GGH: variants seen among roughly 807,000 people sequenced by gnomAD.
GGH encodes the protein gamma-glutamyl hydrolase, also known as gamma-Glu-X carboxypeptidase.
GGH carries 18 observed loss-of-function variants against 39.2 expected under a neutral mutation model. The ratio of observed to expected loss-of-function variants is 0.46; its 90% CI spans 0.32 to 0.68. The LOEUF (loss-of-function observed/expected upper bound fraction) is 0.68. Among genes scored for constraint, GGH ranks in the 30% least tolerant of loss-of-function variants. The probability of loss-of-function intolerance (pLI) is 0.04; values close to 1 mark genes in which losing one functional copy is unlikely to be tolerated. For missense variants in GGH, 367 were observed against 384.1 expected (o/e 0.96, Z 0.37); for synonymous variants, 147 against 138.8 (o/e 1.06, Z -0.42).
Position 63,038,692 on chromosome 8 carries a change from G to T in GGH, c.77C>A (p.Pro26His), listed in dbSNP as rs772951871. The change falls in exon 1 of 9, where the codon CCC (proline) becomes CAC (histidine). Residue 26 changes from proline to histidine, a missense_variant. Pro to His is a moderately conservative substitution (Grantham distance 77). Coordinates refer to ENST00000260118, the MANE Select transcript of GGH (RefSeq NM_003878.3). ...GGGCTTCTTGGCGGTGTCGCCGTGG[G>T]GTCTAGACAGCTCGAGGCTCGCCGC... is the stretch of plus-strand genomic sequence containing the variant. ...CGAASLELSR[P>H]HGDTAKKPII... The T allele has an allele frequency of 3.9e-5, 61 of 1,579,788 alleles. No individual in the cohort carries two copies. The highest frequency in any genetic ancestry group is 3.1e-4 in the South Asian group (27 of 86,834).
intron 4 of GGH, 183 bp downstream of exon 4, chr8:63,026,998 A>C (rs1412256185): frequency 3.3e-6 from 2 of 603,006 alleles, no homozygotes; most frequent in African/African-American, 3.8e-5. Context: ...CTGGAAGCCC[A>C]GGATTAGATG....
At chr8:63,026,869 A>C (rs1804694672) in intron 4 of GGH, 1 of 290,006 alleles carries the variant, frequency 3.4e-6, no homozygotes, top group African/African-American at 2.2e-5. Context: ...ACATAGAAAC[A>C]ATGCCCATAA....
Position 63,015,209 on chromosome 8 carries a change from T to C in GGH, c.*123A>G, listed in dbSNP as rs1031966539. Reference sequence around the variant, plus strand: ...AAATAGTCACATACAGAATGAAGAATCAGAGCCAGGCACATTATAGAAAAG... The same window carrying C: ...AAATAGTCACATACAGAATGAAGAACCAGAGCCAGGCACATTATAGAAAAG... On this transcript the variant is annotated 3_prime_UTR_variant, in exon 9 of 9. Coordinates refer to ENST00000260118, the MANE Select transcript of GGH (RefSeq NM_003878.3). The C allele has an allele frequency of 3.8e-6, 2 of 533,096 alleles. No homozygotes were observed. The highest frequency in any genetic ancestry group is 3.9e-5 in the African/African-American group (2 of 50,888). The allele number at this position is 533,096 out of a possible 1,614,324, so 33.0% of individuals were successfully genotyped here.
At chr8:63,038,591 C>CGGG in intron 1 of GGH, 69 bp downstream of exon 1, 14 of 695,010 alleles carry the variant, frequency 2.0e-5, no homozygotes, top group African/African-American at 3.8e-5. Flanking sequence ...TGGAGCGCGG[C>CGGG]GGCGGGAGGC....
chr8:63,038,638 C>A, intron 1 of GGH, 22 bp downstream of exon 1: 4 of 1,311,982 alleles, frequency 3.0e-6, no homozygotes, highest in Non-Finnish European at 4.2e-6. Context: ...CCGTCTGCTG[C>A]GGCCCCGCAC....
intron 3 of GGH, among the ~76,000 whole-genome samples, chr8:63,029,476 A>G (rs1203257026): frequency 1.3e-5 from 2 of 152,178 alleles, no homozygotes; most frequent in Non-Finnish European, 2.9e-5. Context: ...TACTACTAAT[A>G]CAATGCATAG....
rs761998785 is a variant in GGH at position 63,024,224 on chromosome 8, C to CA, written c.500-39dup. 116 of 1,291,072 alleles carry CA rather than the reference C, an allele frequency of 9.0e-5. 1 individual carries two copies. The Middle Eastern group carries it at 9.2e-4, about 10-fold the overall frequency. 80.0% of individuals were successfully genotyped at this position (1,291,072 alleles called of 1,614,324 possible). Reference sequence around the variant, plus strand: ...AAGTACAAGAGAAATAATTTAAACACAAAAAAATAAAATCCACTGAAGTCA... The same window carrying CA: ...AAGTACAAGAGAAATAATTTAAACACAAAAAAAATAAAATCCACTGAAGTCA... On this transcript the variant is annotated intron_variant, in intron 5 of 8. Transcript: ENST00000260118.
intron 7 of GGH, among the ~76,000 whole-genome samples, chr8:63,018,741 G>A (rs1804531964): frequency 6.6e-6 from 1 of 152,130 alleles, no homozygotes; most frequent in East Asian, 1.9e-4. Flanking sequence ...AGAGTTAATT[G>A]AAAGGCAGAC....
intron 1 of GGH, 28 bp from the exon 2 acceptor site, chr8:63,035,798 A>C (rs1231628535): frequency 6.4e-7 from 1 of 1,567,356 alleles, no homozygotes; most frequent in Admixed American, 1.8e-5. Flanking sequence ...TTTAGTTTCA[A>C]GCAAATTCCT....
rs1192602889 is a variant in GGH at position 63,015,464 on chromosome 8, A to G, written c.836-11T>C. Reference sequence around the variant, plus strand: ...GGTTGTTTTTCCGAGCTGCAAGAAAAAAAGTTAATTTTTAAAAAGATCAGA... The same window carrying G: ...GGTTGTTTTTCCGAGCTGCAAGAAAGAAAGTTAATTTTTAAAAAGATCAGA... On this transcript the variant is annotated splice_polypyrimidine_tract_variant and intron_variant, in intron 8 of 8. Transcript: ENST00000260118. 1 of 1,512,446 alleles carries G rather than the reference A, an allele frequency of 6.6e-7. No homozygotes were observed. Among genetic ancestry groups the G allele is most frequent in the Non-Finnish European group, 9.0e-7 (1 of 1,110,032 alleles). 93.7% of individuals were successfully genotyped at this position (1,512,446 alleles called of 1,614,324 possible).
intron 2 of GGH, among the ~76,000 whole-genome samples, chr8:63,030,792 G>T (rs1176155861): frequency 2.0e-5 from 3 of 151,960 alleles, no homozygotes; most frequent in Non-Finnish European, 4.4e-5. Flanking sequence ...CAGCCTAACT[G>T]CCCAGGTAAT....
At chr8:63,025,420 A>G (rs1165914026) in intron 5 of GGH, 2 of 152,174 alleles carry the variant, frequency 1.3e-5, no homozygotes, top group Non-Finnish European at 2.9e-5. Flanking sequence ...CTAGACACCA[A>G]AACTCACTGG....
At chr8:63,016,241 C>A (rs180830598) in intron 8 of GGH, among the ~76,000 whole-genome samples, 1 of 152,270 alleles carries the variant, frequency 6.6e-6, no homozygotes, top group Non-Finnish European at 1.5e-5. Flanking sequence ...GCAGCAAATG[C>A]GGCACTGCCA....
intron 2 of GGH, among the ~76,000 whole-genome samples, chr8:63,033,149 A>G (rs1463104319): frequency 6.6e-6 from 1 of 152,226 alleles, no homozygotes; most frequent in Non-Finnish European, 1.5e-5. Flanking sequence ...TATTTCCTTT[A>G]TAACCCCTGC....
Position 63,026,214 on chromosome 8 carries a change from C to T in GGH, c.443G>A (p.Cys148Tyr), listed in dbSNP as rs2129656703. 6 of 1,610,676 alleles carry T rather than the reference C, an allele frequency of 3.7e-6. No individual in the cohort carries two copies. Among genetic ancestry groups the T allele is most frequent in the Non-Finnish European group, 5.1e-6 (6 of 1,177,818 alleles). ...EELSLLISGE[C>Y]LLTATDTVDV... ...AACAGTATCTGTGGCAGTTAATAAG[C>T]ACTCTCCACTAATCAGCAGTGAAAG... Residue 148 changes from cysteine (C) to tyrosine (Y), a missense_variant, in exon 5 of 9, where the codon TGC (cysteine) becomes TAC (tyrosine). Physicochemically the swap from Cys to Tyr is radical, Grantham distance 194. Transcript: ENST00000260118.
intron 1 of GGH, among the ~76,000 whole-genome samples, chr8:63,037,331 A>G (rs562815892): frequency 5.9e-5 from 9 of 152,278 alleles, no homozygotes; most frequent in Admixed American, 1.3e-4. Context: ...GAGGTACCAC[A>G]AAGGAGACAT....
Position 63,035,791 on chromosome 8 carries a change from A to G in GGH, c.110-21T>C, listed in dbSNP as rs200041062. On this transcript the variant is annotated intron_variant, in intron 1 of 8. Transcript: ENST00000260118. ...TATTCCTAATAACAAAAAAAAGTTT[A>G]GTTTCAAGCAAATTCCTTTTCTTCT... 9.1e-5 allele frequency: 144 copies of G among 1,582,108 alleles called. No homozygotes were observed. In the African/African-American group the frequency reaches 1.7e-3, roughly 19 times the overall value.
At chr8:63,028,477 C>T (rs966035621) in intron 3 of GGH, 2 of 152,212 alleles carry the variant, frequency 1.3e-5, no homozygotes, top group Non-Finnish European at 2.9e-5. Flanking sequence ...CTCCTTAAAG[C>T]ATGGCTCTGT....
chr8:63,030,679 C>G (rs979990538), intron 2 of GGH, among the ~76,000 whole-genome samples: 1 of 152,002 alleles, frequency 6.6e-6, no homozygotes, highest in African/African-American at 2.4e-5. Context: ...CTGATCCCAC[C>G]CCAACAAACT....
Sources: allele counts gnomAD v4.1 joint callset (sites outside exome capture counted in the v4.1 genomes callset), GRCh38; gene constraint gnomAD v4.1.1; transcripts MANE v1.5; gene names NCBI Gene and HGNC (gene_info 2026-07-23, HGNC 2026-07-21).